STK32B: variants seen among roughly 807,000 people sequenced by gnomAD.
STK32B encodes serine/threonine kinase 32B.
A neutral mutation model predicts 52.6 loss-of-function variants in STK32B; 43 were observed. The ratio of observed to expected loss-of-function variants is 0.82; its 90% CI spans 0.64 to 1.05. The LOEUF is 1.05. Among genes scored for constraint, STK32B ranks in the 50% least tolerant of loss-of-function variants. The pLI, the probability that STK32B is intolerant of heterozygous loss-of-function variation, is 0.00. For missense variants in STK32B, 621 were observed against 534.6 expected, an observed-to-expected ratio of 1.16 and a Z score of -1.59; for synonymous variants, 238 against 204.3, an observed-to-expected ratio of 1.17 and a Z score of -1.41.
intron 4 of STK32B, among the ~76,000 whole-genome samples, chr4:5,377,430 T>C (rs190620350): frequency 6.6e-6 from 1 of 152,310 alleles, no homozygotes; most frequent in Admixed American, 6.5e-5. Context: ...ACAACACCTA[T>C]AAGCGCCTTC....
chr4:5,108,073 C>A (rs1714203420), intron 1 of STK32B, among the ~76,000 whole-genome samples: 1 of 152,120 alleles, frequency 6.6e-6, no homozygotes, highest in Non-Finnish European at 1.5e-5. Context: ...CCAGGGTAAC[C>A]ATTGCCCTGA....
intron 2 of STK32B, among the ~76,000 whole-genome samples, chr4:5,165,981 T>C (rs1475141241): frequency 1.3e-5 from 2 of 152,104 alleles, no homozygotes; most frequent in African/African-American, 4.8e-5. Flanking sequence ...GCCGGGTGGG[T>C]TTTGCTGACT....
chr4:5,334,101 A>C (rs1399081468), intron 4 of STK32B, among the ~76,000 whole-genome samples: 1 of 151,960 alleles, frequency 6.6e-6, no homozygotes, highest in East Asian at 1.9e-4. Flanking sequence ...GATTCTTCCT[A>C]CCCATGAGCA....
At chr4:5,087,278 A>T (rs1286523014) in intron 1 of STK32B, among the ~76,000 whole-genome samples, 1 of 152,048 alleles carries the variant, frequency 6.6e-6, no homozygotes, top group Non-Finnish European at 1.5e-5. Flanking sequence ...TACCCAGGGC[A>T]ATCACTACAA....
At chr4:5,309,463 A>T (rs1307556458) in intron 3 of STK32B, among the ~76,000 whole-genome samples, 1 of 152,254 alleles carries the variant, frequency 6.6e-6, no homozygotes, top group African/African-American at 2.4e-5. Context: ...GGTTGGAGGT[A>T]TCACACTACC....
intron 3 of STK32B, among the ~76,000 whole-genome samples, chr4:5,257,353 GAGTGAATGAGTA>G (rs1369739227): frequency 2.0e-5 from 3 of 152,180 alleles, no homozygotes; most frequent in East Asian, 1.9e-4. Context: ...GTAAGTGGGT[GAGTGAATGAGTA>G]AGTGAATGAG....
chr4:5,477,343 C>T (rs952275796), intron 11 of STK32B, among the ~76,000 whole-genome samples: 1 of 152,138 alleles, frequency 6.6e-6, no homozygotes, highest in Non-Finnish European at 1.5e-5. Flanking sequence ...CTTAGAGTCT[C>T]TGCCTGAGAC....
At chr4:5,423,735 G>A (rs1019270375) in intron 6 of STK32B, among the ~76,000 whole-genome samples, 1 of 152,190 alleles carries the variant, frequency 6.6e-6, no homozygotes, top group Non-Finnish European at 1.5e-5. Context: ...TGCATTGTCA[G>A]TGCTCACCAA....
chr4:5,330,793 A>G (rs1317318597), intron 3 of STK32B, among the ~76,000 whole-genome samples: 1 of 152,234 alleles, frequency 6.6e-6, no homozygotes, highest in Non-Finnish European at 1.5e-5. Flanking sequence ...AACAAGCTCC[A>G]TATGGAGAGC....
chr4:5,177,027 A>G (rs1338825751), intron 3 of STK32B, among the ~76,000 whole-genome samples: 1 of 152,208 alleles, frequency 6.6e-6, no homozygotes, highest in Non-Finnish European at 1.5e-5. Flanking sequence ...GAATTAACTG[A>G]AAAGAAGACA....
chr4:5,255,481 A>G (rs1424626623), intron 3 of STK32B, among the ~76,000 whole-genome samples: 1 of 152,258 alleles, frequency 6.6e-6, no homozygotes, highest in South Asian at 2.1e-4. Flanking sequence ...TTAACCAGAT[A>G]GCTCAACACA....
intron 3 of STK32B, among the ~76,000 whole-genome samples, chr4:5,308,558 A>T (rs78932915): frequency 0.11 from 16,438 of 152,194 alleles, 1,063 homozygotes; most frequent in African/African-American, 0.19. Context: ...TGTGCTTAGC[A>T]TCAGAAAGTT....
intron 1 of STK32B, among the ~76,000 whole-genome samples, chr4:5,115,163 G>A (rs1012392085): frequency 6.6e-6 from 1 of 152,178 alleles, no homozygotes; most frequent in East Asian, 1.9e-4. Context: ...TTGGTTGAGT[G>A]TGCTGTGTTG....
Position 5,498,911 on chromosome 4 carries a change from C to A in STK32B, c.1107-34C>A. On this transcript the variant is annotated intron_variant, in intron 11 of 11. Coordinates refer to ENST00000282908, the MANE Select transcript of STK32B (RefSeq NM_018401.3). Reference sequence around the variant, plus strand: ...TGGATGTGCCTCCACAACCCCATGCCGCACCACTAACTCAGATCTGTGCTT... The same window carrying A: ...TGGATGTGCCTCCACAACCCCATGCAGCACCACTAACTCAGATCTGTGCTT... The A allele has an allele frequency of 3.8e-6, 6 of 1,589,152 alleles. No homozygotes were observed. The African/African-American group carries it at 4.0e-5, about 11-fold the overall frequency.
At chr4:5,195,322 G>A (rs903426521) in intron 3 of STK32B, among the ~76,000 whole-genome samples, 7 of 152,138 alleles carry the variant, frequency 4.6e-5, no homozygotes. Context: ...TATCAGATTT[G>A]TGCCTGCTGC....
intron 2 of STK32B, among the ~76,000 whole-genome samples, chr4:5,141,115 T>C (rs923410583): frequency 6.6e-6 from 1 of 152,158 alleles, no homozygotes; most frequent in African/African-American, 2.4e-5. Context: ...TTAAGTAAAA[T>C]GGTAACAATT....
chr4:5,302,381 A>G (rs1191331050), intron 3 of STK32B, among the ~76,000 whole-genome samples: 1 of 152,046 alleles, frequency 6.6e-6, no homozygotes, highest in African/African-American at 2.4e-5. Flanking sequence ...CATCCTGTTT[A>G]GAAATCTGTC....
chr4:5,099,549 A>G (rs543362167), intron 1 of STK32B, among the ~76,000 whole-genome samples: 23 of 152,292 alleles, frequency 1.5e-4, no homozygotes, highest in Non-Finnish European at 2.9e-4. Flanking sequence ...GGGGAAGGTC[A>G]TGGAAGAAGA....
intron 3 of STK32B, among the ~76,000 whole-genome samples, chr4:5,227,973 G>A (rs1245513336): frequency 1.3e-5 from 2 of 152,080 alleles, no homozygotes; most frequent in African/African-American, 4.8e-5. Flanking sequence ...GAGAACATTT[G>A]TTTTATCATT....
Sources: gnomAD v4.1 joint callset for allele counts (sites outside exome capture counted in the v4.1 genomes callset) on GRCh38, gnomAD v4.1.1 for gene constraint, MANE v1.5 for transcripts, NCBI Gene and HGNC (gene_info 2026-07-23, HGNC 2026-07-21) for gene names.